Variants in NALCN observed in about 807,000 individuals in gnomAD.
NALCN encodes sodium leak channel, non-selective.
NALCN carries 111 observed loss-of-function variants against 225.3 expected under a neutral mutation model. That is an observed-to-expected ratio of 0.49 (90% CI 0.42 to 0.58). NALCN has a LOEUF of 0.58. Among genes scored for constraint, NALCN ranks in the 20% least tolerant of loss-of-function variants. The pLI is 0.00. For missense variants in NALCN, 1,378 were observed against 2,202.4 expected, an observed-to-expected ratio of 0.63 and a Z score of 7.49; for synonymous variants, 764 against 769.0, an observed-to-expected ratio of 0.99 and a Z score of 0.11.
At chr13:101,284,458 G>C (rs1594601624) in intron 9 of NALCN, among the ~76,000 whole-genome samples, 2 of 152,094 alleles carry the variant, frequency 1.3e-5, no homozygotes, top group East Asian at 3.8e-4. Context: ...TCCACTCCCT[G>C]GCTTGGACTA....
At chr13:101,255,143 TG>T (rs1278548894) in intron 11 of NALCN, among the ~76,000 whole-genome samples, 1 of 152,090 alleles carries the variant, frequency 6.6e-6, no homozygotes, top group Non-Finnish European at 1.5e-5. Context: ...TTGTTGAGGT[TG>T]TTTTTATTTT....
At chr13:101,279,700 C>G (rs1273393040) in intron 10 of NALCN, among the ~76,000 whole-genome samples, 3 of 148,850 alleles carry the variant, frequency 2.0e-5, no homozygotes, top group African/African-American at 7.3e-5. Context: ...GCCTGTAGTC[C>G]CAGCTACTTG....
At chr13:101,290,864 T>C (rs544451088) in intron 9 of NALCN, among the ~76,000 whole-genome samples, 1 of 152,350 alleles carries the variant, frequency 6.6e-6, no homozygotes, top group African/African-American at 2.4e-5. Flanking sequence ...TTATAATAAT[T>C]ACAAGGCATT....
chr13:101,281,637 A>AT (rs796094345), intron 10 of NALCN, among the ~76,000 whole-genome samples: 5 of 152,272 alleles, frequency 3.3e-5, no homozygotes, highest in African/African-American at 9.6e-5. Context: ...ATTGCCCTCC[A>AT]TTTTTTTAAA....
intron 17 of NALCN, among the ~76,000 whole-genome samples, chr13:101,136,518 T>C (rs1445670053): frequency 1.4e-5 from 2 of 148,020 alleles, no homozygotes; most frequent in South Asian, 2.3e-4. Context: ...AGTGTTCTCA[T>C]TGTTCAGTTC....
intron 7 of NALCN, among the ~76,000 whole-genome samples, chr13:101,337,349 C>T (rs2045415328): frequency 6.6e-6 from 1 of 151,544 alleles, no homozygotes; most frequent in South Asian, 2.1e-4. Context: ...TGCTCTGTTG[C>T]CCAGGCTGGA....
intron 30 of NALCN, among the ~76,000 whole-genome samples, chr13:101,086,511 A>G (rs1012899558): frequency 2.0e-5 from 3 of 152,062 alleles, no homozygotes; most frequent in African/African-American, 7.2e-5. Flanking sequence ...TTATGGTCAG[A>G]AAACATTCTT....
At chr13:101,342,764 G>C (rs2045597806) in intron 7 of NALCN, among the ~76,000 whole-genome samples, 1 of 152,116 alleles carries the variant, frequency 6.6e-6, no homozygotes, top group African/African-American at 2.4e-5. Context: ...ACACAAAGAG[G>C]CAAAGATGTC....
At chr13:101,298,041 A>C (rs9557607) in intron 7 of NALCN, among the ~76,000 whole-genome samples, 9 of 152,178 alleles carry the variant, frequency 5.9e-5, no homozygotes, top group African/African-American at 2.2e-4. Flanking sequence ...ATGGATGACT[A>C]TGCTGTATCT....
intron 7 of NALCN, among the ~76,000 whole-genome samples, chr13:101,307,056 G>A (rs1206850609): frequency 1.3e-5 from 2 of 152,184 alleles, no homozygotes; most frequent in African/African-American, 2.4e-5. Flanking sequence ...CAATAGACAT[G>A]AGCATCTTGT....
In NALCN at chr13:101,110,620, T is replaced by A. The variant is rs371836511; in HGVS notation, c.2363A>T (p.Asp788Val). ...RGKSLETLTQ[D>V]HSNTVRYRNA... ...TCCAAAGCATTGCTTAAAACTTACA[T>A]CTTGAGTCAAAGTTTCAAGAGATTT... is the stretch of plus-strand genomic sequence containing the variant. The change falls in exon 20 of 44, where the codon GAT becomes GTT. Residue 788 changes from aspartate (D) to valine (V), a missense_variant and splice_region_variant. Transcript: ENST00000251127. The A allele has an allele frequency of 6.2e-7, 1 of 1,613,954 alleles. No homozygotes were observed. Among genetic ancestry groups the A allele is most frequent in the East Asian group, 2.2e-5 (1 of 44,848 alleles).
rs768245371 is a variant in NALCN at position 101,261,919 on chromosome 13, T to C, written c.1135-3345A>G. Among the ~76,000 whole-genome samples, 14 of 152,340 alleles carry C rather than the reference T, an allele frequency of 9.2e-5. No individual in the cohort carries two copies. The East Asian group carries it at 2.5e-3, about 27-fold the overall frequency. The stretch of plus-strand genomic sequence containing the variant: ...GGTGATAGTGGGCATCCTTGTCATG[T>C]TGCAGGTATTAGAGGAAAGGCTTTT... On this transcript the variant is annotated intron_variant, in intron 10 of 43. Coordinates refer to ENST00000251127, the MANE Select transcript of NALCN (RefSeq NM_052867.4).
chr13:101,282,654 C>T (rs1238380437), intron 10 of NALCN, among the ~76,000 whole-genome samples: 1 of 152,116 alleles, frequency 6.6e-6, no homozygotes, highest in South Asian at 2.1e-4. Flanking sequence ...TGTTACCCCC[C>T]ACCCCACACA....
chr13:101,338,274 T>G (rs1353147454), intron 7 of NALCN, among the ~76,000 whole-genome samples: 3 of 152,246 alleles, frequency 2.0e-5, no homozygotes, highest in Non-Finnish European at 4.4e-5. Context: ...ATTCATAGTT[T>G]ATCTTGCTTG....
chr13:101,273,642 G>A (rs887677037), intron 10 of NALCN, among the ~76,000 whole-genome samples: 3 of 151,940 alleles, frequency 2.0e-5, no homozygotes, highest in Non-Finnish European at 2.9e-5. Context: ...ACAGATAAAT[G>A]GGCAAATGAG....
intron 10 of NALCN, among the ~76,000 whole-genome samples, chr13:101,277,566 A>T (rs910665065): frequency 6.6e-6 from 1 of 152,214 alleles, no homozygotes; most frequent in Admixed American, 6.5e-5. Flanking sequence ...TATTTAACAC[A>T]TCGGAATAAC....
chr13:101,376,580 CAG>C, intron 6 of NALCN, 118 bp downstream of exon 6: 1 of 913,522 alleles, frequency 1.1e-6, no homozygotes, highest in South Asian at 2.7e-5. Context: ...AGCAGAGACA[CAG>C]AACAAAGAGG....
chr13:101,156,681 T>C (rs1327157349), intron 15 of NALCN, among the ~76,000 whole-genome samples: 2 of 152,324 alleles, frequency 1.3e-5, no homozygotes, highest in South Asian at 2.1e-4. Context: ...TGGTATGAAC[T>C]CTGGCTCTCA....
chr13:101,221,149 T>G (rs1427388722), intron 13 of NALCN, among the ~76,000 whole-genome samples: 1 of 138,224 alleles, frequency 7.2e-6, no homozygotes, highest in Non-Finnish European at 1.7e-5. Context: ...GAAGGTCCTT[T>G]TGAATTTTTT....
Sources: allele counts gnomAD v4.1 joint callset (sites outside exome capture counted in the v4.1 genomes callset), GRCh38; gene constraint gnomAD v4.1.1; transcripts MANE v1.5; gene names NCBI Gene and HGNC (gene_info 2026-07-23, HGNC 2026-07-21).